The following XIRP2 variants were observed in gnomAD, a reference collection of about 807,000 sequenced individuals.
The protein encoded by XIRP2 is xin actin-binding repeat-containing protein 2.
A neutral mutation model predicts 277.0 loss-of-function variants in XIRP2; 236 were observed. The ratio of observed to expected loss-of-function variants is 0.85; its 90% CI spans 0.77 to 0.95. The LOEUF is 0.95. Among genes scored for constraint, XIRP2 ranks in the 40% least tolerant of loss-of-function variants. XIRP2 has a pLI of 0.00. For missense variants in XIRP2, 4,640 were observed against 4,157.5 expected (o/e 1.12, Z -3.19); for synonymous variants, 1,490 against 1,416.5 (o/e 1.05, Z -1.17).
Position 167,244,366 on chromosome 2 carries a change from C to G in XIRP2, c.2974C>G (p.Gln992Glu). The change falls in exon 9 of 11, where the codon CAA (glutamine) becomes GAA (glutamate). Residue 992 changes from glutamine to glutamate, a missense_variant. Coordinates refer to ENST00000409195, the MANE Select transcript of XIRP2 (RefSeq NM_152381.6). The part of the protein sequence containing the change: ...LFETTPLYAI[Q>E]DPLGKYHQVK... Reference sequence around the variant, plus strand: ...CGAGACAACACCACTGTATGCCATTCAAGATCCCCTTGGAAAATATCATCA... The same window carrying G: ...CGAGACAACACCACTGTATGCCATTGAAGATCCCCTTGGAAAATATCATCA... 6.2e-7 allele frequency: 1 copy of G among 1,613,492 alleles called. No homozygotes were observed. Among genetic ancestry groups the G allele is most frequent in the Non-Finnish European group, 8.5e-7 (1 of 1,179,756 alleles).
At position 167,250,230 on chromosome 2, in the gene XIRP2, A is replaced by G; in HGVS notation, c.8838A>G (p.Glu2946=). ...DDGKGALNIV[E]FLRKREELQQ... is the part of the protein sequence containing the mutation. ...GAAAAGGTGCCTTAAATATAGTGGA[A>G]TTCTTGAGAAAACGTGAAGAACTGC... Residue 2946 remains glutamate, a synonymous_variant, in exon 9 of 11, where the codon GAA becomes GAG. Coordinates refer to ENST00000409195, the MANE Select transcript of XIRP2 (RefSeq NM_152381.6). The G allele has an allele frequency of 6.2e-7, 1 of 1,613,412 alleles. No homozygotes were observed. Among genetic ancestry groups the G allele is most frequent in the Non-Finnish European group, 8.5e-7 (1 of 1,179,660 alleles).
chr2:167,103,366 TA>T (rs1690536062), intron 2 of XIRP2, among the ~76,000 whole-genome samples: 1 of 152,214 alleles, frequency 6.6e-6, no homozygotes, highest in Non-Finnish European at 1.5e-5. Flanking sequence ...CTGAAGTGCA[TA>T]AAGGCCTGTC....
At chr2:166,985,589 C>G (rs1280645586) in intron 2 of XIRP2, among the ~76,000 whole-genome samples, 1 of 151,966 alleles carries the variant, frequency 6.6e-6, no homozygotes, top group African/African-American at 2.4e-5. Flanking sequence ...TGCCACCATG[C>G]CCAGCTAATT....
intron 3 of XIRP2, among the ~76,000 whole-genome samples, chr2:167,195,767 A>G (rs1344113797): frequency 6.6e-6 from 1 of 152,194 alleles, no homozygotes; most frequent in East Asian, 1.9e-4. Flanking sequence ...GGGACAAGAA[A>G]GGTTGGAGCC....
At chr2:166,938,137 C>T (rs1244666363) in intron 2 of XIRP2, among the ~76,000 whole-genome samples, 2 of 152,164 alleles carry the variant, frequency 1.3e-5, no homozygotes, top group Admixed American at 1.3e-4. Context: ...CTTCTGCTAG[C>T]TTTTGAATGT....
chr2:167,137,129 A>G (rs576261195), intron 3 of XIRP2, among the ~76,000 whole-genome samples: 1 of 152,304 alleles, frequency 6.6e-6, no homozygotes, highest in South Asian at 2.1e-4. Context: ...AGGGGAATTT[A>G]CATATGGTTC....
chr2:167,054,967 A>G (rs1233598624), intron 2 of XIRP2, among the ~76,000 whole-genome samples: 2 of 152,212 alleles, frequency 1.3e-5, no homozygotes, highest in African/African-American at 2.4e-5. Flanking sequence ...TAAAATAACA[A>G]CCATTTGTTT....
chr2:167,045,935 T>C (rs757487424), intron 2 of XIRP2, among the ~76,000 whole-genome samples: 2 of 152,146 alleles, frequency 1.3e-5, no homozygotes, highest in African/African-American at 4.8e-5. Context: ...TTGTCGTAGA[T>C]AGCTGTTATT....
chr2:167,255,175 A>G (rs1326926844), intron 10 of XIRP2, among the ~76,000 whole-genome samples: 1 of 151,794 alleles, frequency 6.6e-6, no homozygotes, highest in East Asian at 1.9e-4. Context: ...TTTCTAGTGA[A>G]TCACATCCAC....
intron 3 of XIRP2, among the ~76,000 whole-genome samples, chr2:167,201,192 AAGAAAGAAAGAAAGAAAG>A (rs1559018069): frequency 3.2e-4 from 3 of 9,326 alleles, no homozygotes; most frequent in Admixed American, 1.7e-3. Context: ...GAGAGAGAGA[AAGAAAGAAAGAAAGAAAG>A]AAAGAAAGAA....
intron 2 of XIRP2, among the ~76,000 whole-genome samples, chr2:167,122,894 G>T (rs188743361): frequency 6.6e-6 from 1 of 151,894 alleles, no homozygotes; most frequent in East Asian, 1.9e-4. Flanking sequence ...TTTTTATTTG[G>T]GTCTTCATGC....
intron 2 of XIRP2, among the ~76,000 whole-genome samples, chr2:166,944,917 A>G (rs1171698173): frequency 1.4e-5 from 2 of 141,476 alleles, no homozygotes; most frequent in South Asian, 2.4e-4. Context: ...AAGTGATTCA[A>G]ATGCTGCTGG....
chr2:167,020,608 T>C (rs1687955980), intron 2 of XIRP2, among the ~76,000 whole-genome samples: 3 of 152,112 alleles, frequency 2.0e-5, no homozygotes, highest in Non-Finnish European at 4.4e-5. Flanking sequence ...CAATTCTTTT[T>C]TGACTATGAT....
intron 2 of XIRP2, among the ~76,000 whole-genome samples, chr2:167,077,883 T>C (rs543564937): frequency 5.1e-4 from 77 of 152,356 alleles, no homozygotes; most frequent in Non-Finnish European, 8.5e-4. Flanking sequence ...TATTGGCGTA[T>C]AGTATAGTTC....
intron 2 of XIRP2, among the ~76,000 whole-genome samples, chr2:166,986,869 T>C (rs1190243502): frequency 1.3e-5 from 2 of 152,228 alleles, no homozygotes; most frequent in Admixed American, 6.5e-5. Context: ...TTTGCACATA[T>C]TGAGGAAGAA....
In XIRP2 at chr2:167,245,459, C is replaced by A; in HGVS notation, c.4067C>A (p.Thr1356Lys). ...CGAGGAACAAGGTGGCTTTTTGAAA[C>A]AAAGCCATTAGACTCTATTAATAAA... ...DVRGTRWLFE[T>K]KPLDSINKSE... The change falls in exon 9 of 11, where the codon ACA becomes AAA. Residue 1356 changes from threonine to lysine, a missense_variant. Physicochemically the swap from Thr to Lys is moderately conservative, Grantham distance 78 (BLOSUM62 -1). Coordinates refer to ENST00000409195, the MANE Select transcript of XIRP2 (RefSeq NM_152381.6). The A allele has an allele frequency of 6.2e-7, 1 of 1,613,490 alleles. No individual in the cohort carries two copies. The highest frequency in any genetic ancestry group is 8.5e-7 in the Non-Finnish European group (1 of 1,179,694).
intron 2 of XIRP2, among the ~76,000 whole-genome samples, chr2:167,031,018 C>CTTTTTTTTTTTTT (rs35008535): frequency 6.9e-6 from 1 of 144,216 alleles, no homozygotes; most frequent in African/African-American, 2.5e-5. Context: ...GCAAGCTTTG[C>CTTTTTTTTTTTTT]TTTTTTTTTT....
chr2:167,021,435 A>G (rs1687978428), intron 2 of XIRP2, among the ~76,000 whole-genome samples: 1 of 152,118 alleles, frequency 6.6e-6, no homozygotes, highest in Non-Finnish European at 1.5e-5. Flanking sequence ...CACGTGCAAA[A>G]ACTATTTTTA....
chr2:166,909,546 A>G (rs893027356), intron 2 of XIRP2, among the ~76,000 whole-genome samples: 1 of 152,210 alleles, frequency 6.6e-6, no homozygotes, highest in Non-Finnish European at 1.5e-5. Context: ...TAGATATACA[A>G]TCAGGTCATC....
Sources: allele counts gnomAD v4.1 joint callset (sites outside exome capture counted in the v4.1 genomes callset), GRCh38; gene constraint gnomAD v4.1.1; transcripts MANE v1.5; gene names NCBI Gene and HGNC (gene_info 2026-07-23, HGNC 2026-07-21).